Variants in APBB2 observed in about 807,000 individuals in gnomAD.
APBB2 encodes the protein Fe65-like 1.
In APBB2, 38 loss-of-function variants were observed where a neutral mutation model predicts 82.5. That is an observed-to-expected ratio of 0.46 (90% CI 0.36 to 0.60). APBB2 has a LOEUF of 0.60. Ranked by LOEUF, APBB2 falls within the 20% of genes least tolerant of loss-of-function variation. The pLI is 0.00. For missense variants in APBB2, 772 were observed against 972.3 expected (o/e 0.79, Z 2.74); for synonymous variants, 341 against 368.2 (o/e 0.93, Z 0.85).
intron 6 of APBB2, among the ~76,000 whole-genome samples, chr4:40,993,906 G>T (rs932878153): frequency 3.9e-5 from 6 of 152,042 alleles, no homozygotes; most frequent in African/African-American, 1.4e-4. Flanking sequence ...ATGCATAGAG[G>T]AGGAAGTTAA....
intron 6 of APBB2, among the ~76,000 whole-genome samples, chr4:40,980,564 A>G (rs1001880243): frequency 6.6e-6 from 1 of 152,186 alleles, no homozygotes; most frequent in East Asian, 1.9e-4. Context: ...CTTGGGTACA[A>G]CTGTTTGTTT....
At chr4:41,015,416 A>T (rs867976147) in intron 5 of APBB2, among the ~76,000 whole-genome samples, 4 of 152,206 alleles carry the variant, frequency 2.6e-5, no homozygotes, top group Non-Finnish European at 4.4e-5. Context: ...TCTCTACCTC[A>T]GCAGCAGATG....
chr4:41,151,766 T>C (rs1241033148), intron 1 of APBB2, among the ~76,000 whole-genome samples: 1 of 150,996 alleles, frequency 6.6e-6, no homozygotes, highest in Non-Finnish European at 1.5e-5. Flanking sequence ...TTCTTAAACA[T>C]GGTCTTCTTT....
At chr4:40,971,180 G>C (rs1795846977) in intron 6 of APBB2, among the ~76,000 whole-genome samples, 2 of 152,048 alleles carry the variant, frequency 1.3e-5, no homozygotes, top group African/African-American at 4.8e-5. Context: ...ACATAACGGG[G>C]GCTATTAACA....
chr4:40,885,558 C>T (rs1341790057), intron 12 of APBB2, among the ~76,000 whole-genome samples: 1 of 152,164 alleles, frequency 6.6e-6, no homozygotes, highest in Non-Finnish European at 1.5e-5. Flanking sequence ...TTCTTCGTGC[C>T]TCTAAGTCCA....
rs143012262 is a variant in APBB2 at position 41,056,585 on chromosome 4, A to C, written c.-51+8991T>G. On this transcript the variant is annotated intron_variant, in intron 4 of 17. Transcript: ENST00000508593. ...CCACCTTTGGTCACATCCACAGATG[A>C]GATATAAGAATTGAGGGCAATATGT... Among the ~76,000 whole-genome samples, 106 of 152,314 alleles carry C rather than the reference A, an allele frequency of 7.0e-4. 1 individual carries two copies. Among genetic ancestry groups the C allele is most frequent in the African/African-American group, 2.5e-3 (104 of 41,562 alleles).
rs1003137073 is a variant in APBB2 at position 40,832,750 on chromosome 4, AGT to A, written c.1530-2175_1530-2174del. On this transcript the variant is annotated intron_variant, in intron 12 of 17. Transcript: ENST00000508593. The surrounding 1 kb of genome is among the most constrained non-coding windows in gnomAD (Gnocchi z 4.8). ...TACACGGGGGCACAGCAAGTGTCTG[AGT>A]GTGTCTTCCCCTCAACACTCTGCAG... 9.9e-5 allele frequency among the ~76,000 whole-genome samples: 15 copies of A among 152,174 alleles called. No homozygotes were observed. The highest frequency in any genetic ancestry group is 3.4e-4 in the African/African-American group (14 of 41,436).
chr4:40,853,010 C>T (rs1252915951), intron 12 of APBB2, among the ~76,000 whole-genome samples: 5 of 152,212 alleles, frequency 3.3e-5, no homozygotes, highest in Non-Finnish European at 5.9e-5. Flanking sequence ...ACTTTGTCCT[C>T]GAACAGTTAT....
chr4:41,026,847 G>A (rs544984716), intron 5 of APBB2, among the ~76,000 whole-genome samples: 3 of 151,814 alleles, frequency 2.0e-5, no homozygotes, highest in Non-Finnish European at 2.9e-5. Context: ...AGCTTTTTTT[G>A]ATAAACATAG....
At chr4:40,900,840 T>A (rs1775076011) in intron 10 of APBB2, among the ~76,000 whole-genome samples, 1 of 151,732 alleles carries the variant, frequency 6.6e-6, no homozygotes, top group South Asian at 2.1e-4. Context: ...ACAGGACAGA[T>A]TAATTCATTC....
intron 4 of APBB2, among the ~76,000 whole-genome samples, chr4:41,054,021 T>C (rs1476845812): frequency 1.3e-5 from 2 of 152,230 alleles, no homozygotes; most frequent in Non-Finnish European, 2.9e-5. Flanking sequence ...ACAGAAAACC[T>C]ACCTAACAGT....
chr4:40,955,116 T>C (rs977026148), intron 6 of APBB2, among the ~76,000 whole-genome samples: 2 of 152,186 alleles, frequency 1.3e-5, no homozygotes, highest in Admixed American at 1.3e-4. Flanking sequence ...CAGCAATAAA[T>C]AAGAGAGGCA....
intron 6 of APBB2, among the ~76,000 whole-genome samples, chr4:41,007,314 C>G (rs1807035504): frequency 6.6e-6 from 1 of 151,818 alleles, no homozygotes; most frequent in Non-Finnish European, 1.5e-5. Context: ...ACGGCACTCA[C>G]TAGATGCTGG....
At chr4:40,896,847 G>C (rs1424909206) in intron 10 of APBB2, among the ~76,000 whole-genome samples, 1 of 152,174 alleles carries the variant, frequency 6.6e-6, no homozygotes, top group Non-Finnish European at 1.5e-5. Flanking sequence ...ACTGGGGCTT[G>C]GACAGGGTAC....
intron 4 of APBB2, among the ~76,000 whole-genome samples, chr4:41,063,801 C>T (rs1392759194): frequency 1.3e-5 from 2 of 152,096 alleles, no homozygotes; most frequent in Admixed American, 1.3e-4. Flanking sequence ...ACCTCAGCCT[C>T]CCGAGTAGCT....
intron 1 of APBB2, among the ~76,000 whole-genome samples, chr4:41,155,480 T>C (rs1445221499): frequency 1.3e-5 from 2 of 152,224 alleles, no homozygotes; most frequent in East Asian, 3.8e-4. Context: ...GGAAACTTGA[T>C]GGGAAACACT....
chr4:41,124,499 C>T (rs1266143564), intron 2 of APBB2, among the ~76,000 whole-genome samples: 2 of 152,126 alleles, frequency 1.3e-5, no homozygotes, highest in African/African-American at 2.4e-5. Flanking sequence ...CGTGAGCCAC[C>T]GCGCCTGGCC....
chr4:41,152,448 G>A (rs980228549), intron 1 of APBB2, among the ~76,000 whole-genome samples: 3 of 151,646 alleles, frequency 2.0e-5, no homozygotes, highest in South Asian at 2.1e-4. Context: ...TCAGCCTCCC[G>A]AGTAGCTGGG....
chr4:40,907,379 A>ATATTTTTTTTT (rs1491382228), intron 10 of APBB2, among the ~76,000 whole-genome samples: 1 of 37,400 alleles, frequency 2.7e-5, no homozygotes, highest in African/African-American at 1.2e-4. Context: ...ATATATATAT[A>ATATTTTTTTTT]TTTTTTTTTT....
Sources: gnomAD v4.1 joint callset for allele counts (sites outside exome capture counted in the v4.1 genomes callset) on GRCh38, gnomAD v4.1.1 for gene constraint, Gnocchi (gnomAD v3.1) non-coding constraint, MANE v1.5 for transcripts, NCBI Gene and HGNC (gene_info 2026-07-23, HGNC 2026-07-21) for gene names.